Variants in PIKFYVE observed in about 807,000 individuals in gnomAD.
PIKFYVE encodes the protein 1-phosphatidylinositol 3-phosphate 5-kinase.
A neutral mutation model predicts 257.9 loss-of-function variants in PIKFYVE; 122 were observed. The observed-to-expected ratio is 0.47, with a 90% CI of 0.41 to 0.55. PIKFYVE has a LOEUF of 0.55. Ranked by LOEUF, PIKFYVE falls within the 20% of genes least tolerant of loss-of-function variation. The pLI, the probability that PIKFYVE is intolerant of heterozygous loss-of-function variation, is 0.00. For synonymous variants in PIKFYVE, 892 were observed against 868.9 expected (o/e 1.03, Z -0.47); for missense variants, 2,160 against 2,536.6 (o/e 0.85, Z 3.19).
intron 8 of PIKFYVE, among the ~76,000 whole-genome samples, chr2:208,299,302 T>A (rs796545736): frequency 7.3e-6 from 1 of 137,662 alleles, no homozygotes; most frequent in Non-Finnish European, 1.5e-5. Flanking sequence ...TATTATTATT[T>A]TTTTTGGAGA....
At chr2:208,268,095 T>G (rs1471609007) in intron 1 of PIKFYVE, among the ~76,000 whole-genome samples, 1 of 152,214 alleles carries the variant, frequency 6.6e-6, no homozygotes, top group Non-Finnish European at 1.5e-5. Context: ...TAATTTATAT[T>G]TTAAAGCGTT....
chr2:208,301,464 C>T (rs527948995), intron 9 of PIKFYVE, among the ~76,000 whole-genome samples: 8 of 152,264 alleles, frequency 5.3e-5, no homozygotes, highest in Non-Finnish European at 1.0e-4. Flanking sequence ...CTATGCCTGT[C>T]GGGTCCTAGC....
chr2:208,313,488 G>A (rs974989007), intron 13 of PIKFYVE, among the ~76,000 whole-genome samples: 4 of 151,956 alleles, frequency 2.6e-5, no homozygotes, highest in Non-Finnish European at 4.4e-5. Context: ...TGATATCTGA[G>A]CTGAGCTTCT....
intron 15 of PIKFYVE, 36 bp from the exon 16 acceptor site, chr2:208,317,831 C>T (rs1218511522): frequency 6.6e-7 from 1 of 1,526,324 alleles, no homozygotes; most frequent in Non-Finnish European, 9.1e-7. Context: ...AGCATGTTAT[C>T]ATTGAATTTT....
At position 208,330,509 on chromosome 2, in the gene PIKFYVE, T is replaced by C. The variant is rs1304078804; in HGVS notation, c.3792-14T>C. On this transcript the variant is annotated splice_polypyrimidine_tract_variant and intron_variant, in intron 22 of 41. Coordinates refer to ENST00000264380, the MANE Select transcript of PIKFYVE (RefSeq NM_015040.4). ...TCATGCTTAATGTGAGAAGGGCTCT[T>C]TTGTTTGTCAAAGGCCTTCTTATCA... 7 of 1,613,806 alleles carry C rather than the reference T, an allele frequency of 4.3e-6. No individual in the cohort carries two copies. Among genetic ancestry groups the C allele is most frequent in the Non-Finnish European group, 5.9e-6 (7 of 1,179,882 alleles).
chr2:208,298,325 T>C (rs544740229), intron 7 of PIKFYVE, among the ~76,000 whole-genome samples: 1 of 152,344 alleles, frequency 6.6e-6, no homozygotes, highest in East Asian at 1.9e-4. Context: ...ATTACTGATA[T>C]ATGAACTATG....
chr2:208,351,610 G>C (rs902222346), intron 38 of PIKFYVE, among the ~76,000 whole-genome samples, 155 bp downstream of exon 38: 1 of 152,132 alleles, frequency 6.6e-6, no homozygotes, highest in Non-Finnish European at 1.5e-5. Context: ...TAGTTCTGCA[G>C]GCTGTGTATA....
intron 7 of PIKFYVE, among the ~76,000 whole-genome samples, chr2:208,289,457 G>A (rs1692008137): frequency 1.3e-5 from 2 of 151,688 alleles, no homozygotes. Context: ...TTGAGACGGA[G>A]TCTCACTCTC....
intron 3 of PIKFYVE, among the ~76,000 whole-genome samples, chr2:208,274,572 A>G (rs967263925): frequency 1.3e-5 from 2 of 152,158 alleles, no homozygotes; most frequent in South Asian, 4.1e-4. Flanking sequence ...GTCAGCCAGA[A>G]CAAAGAGAAA....
intron 17 of PIKFYVE, among the ~76,000 whole-genome samples, chr2:208,323,651 G>C (rs1430815021): frequency 5.3e-5 from 8 of 152,154 alleles, no homozygotes; most frequent in Non-Finnish European, 1.2e-4. Flanking sequence ...GGGTCAAATG[G>C]TATTTCTAGT....
Position 208,356,578 on chromosome 2 carries a change from T to A in PIKFYVE, c.*1273T>A, listed in dbSNP as rs934019349. 1 of 152,630 alleles carries A rather than the reference T, an allele frequency of 6.6e-6. No individual in the cohort carries two copies. The allele number at this position is 152,630 out of a possible 1,614,324, so 9.5% of individuals were successfully genotyped here. On this transcript the variant is annotated 3_prime_UTR_variant, in exon 42 of 42. Transcript: ENST00000264380. ...CTGAGGCAGGAGAATTGTTTGAACC[T>A]GGGAGGCGGAGGCTGCAGTGAGCTG...
intron 31 of PIKFYVE, 102 bp from the exon 32 acceptor site, chr2:208,342,452 T>C (rs182641418): frequency 3.6e-6 from 3 of 832,176 alleles, no homozygotes; most frequent in African/African-American, 3.5e-5. Context: ...TTTTCTTTCC[T>C]AATGATTCAG....
In PIKFYVE at chr2:208,342,308, T is replaced by C. The variant is rs146744293; in HGVS notation, c.4932-246T>C. Reference sequence around the variant, plus strand: ...TCTGCTGTTCATTTTAAATTCTTTTTGAGATTAGTGTGGCCAGAGTCTTGG... The same window carrying C: ...TCTGCTGTTCATTTTAAATTCTTTTCGAGATTAGTGTGGCCAGAGTCTTGG... On this transcript the variant is annotated intron_variant, in intron 31 of 41. Transcript: ENST00000264380. Among the ~76,000 whole-genome samples the C allele has an allele frequency of 1.8e-3, 267 of 152,322 alleles. 1 individual carries two copies. The Middle Eastern group carries it at 0.02, about 12-fold the overall frequency.
chr2:208,334,997 T>C (rs1479762917), intron 24 of PIKFYVE, among the ~76,000 whole-genome samples: 1 of 152,138 alleles, frequency 6.6e-6, no homozygotes, highest in Non-Finnish European at 1.5e-5. Context: ...TAGGTGTAGG[T>C]ATTTTAGTTT....
At position 208,354,128 on chromosome 2, in the gene PIKFYVE, T is replaced by C. The variant is rs1700009439; in HGVS notation, c.6075T>C (p.Asp2025=). The change falls in exon 40 of 42, where the codon GAT becomes GAC. Residue 2025 remains aspartate, a synonymous_variant. Transcript: ENST00000264380. ...ATTCTTTGCTGGTTGGGCGAGATGA[T>C]ACTAGCAATGAGCTAGTAGTTGGAA... ...IDYSLLVGRD[D]TSNELVVGII... is the part of the protein sequence containing the mutation. 2.5e-6 allele frequency: 4 copies of C among 1,613,824 alleles called. No individual in the cohort carries two copies. Among genetic ancestry groups the C allele is most frequent in the Middle Eastern group, 1.6e-4 (1 of 6,062 alleles).
intron 14 of PIKFYVE, among the ~76,000 whole-genome samples, 173 bp from the exon 15 acceptor site, chr2:208,315,019 AT>A (rs1459689024): frequency 6.6e-6 from 1 of 152,224 alleles, no homozygotes; most frequent in East Asian, 1.9e-4. Context: ...TTTCATTTAT[AT>A]GCAAAATCCT....
intron 5 of PIKFYVE, among the ~76,000 whole-genome samples, chr2:208,279,306 G>A (rs1242967327): frequency 1.3e-5 from 2 of 152,026 alleles, no homozygotes; most frequent in Non-Finnish European, 2.9e-5. Context: ...TTAGATCTTT[G>A]TCAGATGCAT....
At chr2:208,335,477 C>T in intron 25 of PIKFYVE, 58 bp downstream of exon 25, 1 of 1,262,254 alleles carries the variant, frequency 7.9e-7, no homozygotes. Context: ...TTTAAAGTAT[C>T]AGATTTATTC....
chr2:208,276,650 C>A, intron 3 of PIKFYVE, 62 bp from the exon 4 acceptor site: 1 of 1,186,386 alleles, frequency 8.4e-7, no homozygotes, highest in Non-Finnish European at 1.3e-6. Flanking sequence ...CACATATATA[C>A]CTTGTTGTAT....
Sources: gnomAD v4.1 joint callset for allele counts (sites outside exome capture counted in the v4.1 genomes callset) on GRCh38, gnomAD v4.1.1 for gene constraint, MANE v1.5 for transcripts, NCBI Gene and HGNC (gene_info 2026-07-23, HGNC 2026-07-21) for gene names.